Variants in CPO observed in about 807,000 individuals in gnomAD.
CPO encodes the protein metallocarboxypeptidase C.
CPO carries 43 observed loss-of-function variants against 41.2 expected under a neutral mutation model. The observed-to-expected ratio is 1.04, with a 90% CI of 0.82 to 1.35. The LOEUF (loss-of-function observed/expected upper bound fraction) is 1.35. Among genes scored for constraint, CPO ranks in the 40% most tolerant of loss-of-function variants. CPO has a pLI of 0.00. For missense variants in CPO, 408 were observed against 451.7 expected (o/e 0.90, Z 0.88); for synonymous variants, 178 against 162.7 (o/e 1.09, Z -0.72).
chr2:206,966,200 G>GAA (rs34868963), intron 7 of CPO, among the ~76,000 whole-genome samples: 15 of 139,670 alleles, frequency 1.1e-4, no homozygotes, highest in Admixed American at 8.6e-4. Context: ...CTGGCAATGT[G>GAA]AAAAAAAAAA....
chr2:206,962,307 C>G (rs73983121), intron 6 of CPO, 105 bp from the exon 7 acceptor site: 1 of 965,118 alleles, frequency 1.0e-6, no homozygotes, highest in Non-Finnish European at 1.6e-6. Context: ...CAAGGGCAAG[C>G]GCTGATTCTA....
At chr2:206,967,336 T>C (rs1206240660) in intron 7 of CPO, among the ~76,000 whole-genome samples, 2 of 80,236 alleles carry the variant, frequency 2.5e-5, no homozygotes, top group Non-Finnish European at 5.8e-5. Context: ...AAATGCTATA[T>C]ATATATATAT....
At chr2:206,958,748 T>G (rs895393976) in intron 4 of CPO, among the ~76,000 whole-genome samples, 2 of 145,354 alleles carry the variant, frequency 1.4e-5, no homozygotes, top group Admixed American at 6.8e-5. Flanking sequence ...TTTTTTTTTT[T>G]TTTTTTTTTT....
chr2:206,945,954 A>ATT lies in CPO; in HGVS notation c.69-3661_69-3660dup, dbSNP rs202144139. Among the ~76,000 whole-genome samples, 252 of 137,918 alleles carry ATT rather than the reference A, an allele frequency of 1.8e-3. 1 individual carries two copies. The highest frequency in any genetic ancestry group is 5.7e-3 in the African/African-American group (214 of 37,794). The allele number at this position is 137,918 out of a possible 152,430, so 90.5% of individuals were successfully genotyped here. A position where few individuals can be genotyped will look rare whatever the true frequency, so the allele number is the denominator to read the frequency against. On this transcript the variant is annotated intron_variant, in intron 1 of 8. Coordinates refer to ENST00000272852, the MANE Select transcript of CPO (RefSeq NM_173077.3). ...TCCGACTCAAAATAAATAAATAAAT[A>ATT]TTTAAAAAAATTTTTTTAAATTAAA...
chr2:206,945,934 C>T (rs190092703), intron 1 of CPO, among the ~76,000 whole-genome samples: 1 of 150,866 alleles, frequency 6.6e-6, no homozygotes, highest in Admixed American at 6.6e-5. Flanking sequence ...AAAACTCCGA[C>T]TCAAAATAAA....
intron 2 of CPO, among the ~76,000 whole-genome samples, chr2:206,953,439 T>C (rs1245041161): frequency 6.6e-6 from 1 of 152,246 alleles, no homozygotes; most frequent in East Asian, 1.9e-4. Flanking sequence ...AATTAAATCT[T>C]AAAGCTCCAA....
intron 7 of CPO, among the ~76,000 whole-genome samples, chr2:206,965,936 ATTCGG>A (rs1378364001): frequency 6.6e-6 from 1 of 152,142 alleles, no homozygotes; most frequent in African/African-American, 2.4e-5. Context: ...CAGAAGTTGA[ATTCGG>A]TAGTCTGGGG....
rs373509072 is a variant in CPO at position 206,965,145 on chromosome 2, AT to A, written c.777+2533del. On this transcript the variant is annotated intron_variant, in intron 7 of 8. Transcript: ENST00000272852. The stretch of plus-strand genomic sequence containing the variant: ...CTATATACAGAAACCAGTAAATCAA[AT>A]TGAGAAAGATGGCTTCAATTCTGTA... Among the ~76,000 whole-genome samples, 820 of 152,350 alleles carry A rather than the reference AT, an allele frequency of 5.4e-3. 5 individuals carry two copies. The highest frequency in any genetic ancestry group is 9.7e-3 in the Non-Finnish European group (658 of 68,030).
At chr2:206,956,824 T>C (rs759605196) in intron 3 of CPO, among the ~76,000 whole-genome samples, 5 of 152,184 alleles carry the variant, frequency 3.3e-5, no homozygotes, top group Admixed American at 2.0e-4. Context: ...ACTACAACTC[T>C]TAAAAAATTA....
intron 7 of CPO, among the ~76,000 whole-genome samples, chr2:206,964,320 T>C: frequency 6.6e-6 from 1 of 152,248 alleles, no homozygotes; most frequent in East Asian, 1.9e-4. Flanking sequence ...TATGATCATT[T>C]TGTAACATGT....
intron 7 of CPO, among the ~76,000 whole-genome samples, chr2:206,967,331 CTA>C (rs200615925): frequency 4.9e-4 from 58 of 118,390 alleles, no homozygotes; most frequent in Non-Finnish European, 5.8e-4. Flanking sequence ...CTCTGAAATG[CTA>C]TATATATATA....
chr2:206,940,622 CTGTGTGTGTGTA>C (rs749919854), intron 1 of CPO, among the ~76,000 whole-genome samples: 18 of 151,708 alleles, frequency 1.2e-4, no homozygotes, highest in South Asian at 2.1e-4. Flanking sequence ...CTATTGAAAT[CTGTGTGTGTGTA>C]TGTGTGTGTG....
chr2:206,955,542 C>A lies in CPO; in HGVS notation c.245C>A (p.Thr82Asn), dbSNP rs1448989448. 1.9e-6 allele frequency: 3 copies of A among 1,591,064 alleles called. No homozygotes were observed. Among genetic ancestry groups the A allele is most frequent in the East Asian group, 4.5e-5 (2 of 44,766 alleles). The change falls in exon 3 of 9, where the codon ACC becomes AAC. Residue 82 changes from threonine to asparagine, a missense_variant. Coordinates refer to ENST00000272852, the MANE Select transcript of CPO (RefSeq NM_173077.3). Reference sequence around the variant, plus strand: ...CATTTCCTAGGAGTGACCTATGAGACCCACCCCATGTATTATCTGAAGGTG... The same window carrying A: ...CATTTCCTAGGAGTGACCTATGAGAACCACCCCATGTATTATCTGAAGGTG... ...TQHFLGVTYE[T>N]HPMYYLKISQ...
At chr2:206,961,199 A>G (rs1223798441) in intron 6 of CPO, among the ~76,000 whole-genome samples, 1 of 152,208 alleles carries the variant, frequency 6.6e-6, no homozygotes, top group Non-Finnish European at 1.5e-5. Flanking sequence ...ATATATTTCA[A>G]ATCCATCCCT....
chr2:206,946,231 A>G (rs1427356033), intron 1 of CPO, among the ~76,000 whole-genome samples: 1 of 152,170 alleles, frequency 6.6e-6, no homozygotes, highest in Non-Finnish European at 1.5e-5. Context: ...AAAATCTTCA[A>G]TGAAATAGTA....
chr2:206,951,384 T>C (rs901236923), intron 2 of CPO, among the ~76,000 whole-genome samples: 2 of 152,252 alleles, frequency 1.3e-5, no homozygotes, highest in African/African-American at 4.8e-5. Flanking sequence ...TGTGACATTA[T>C]GCAAATCTTT....
At chr2:206,952,602 G>A (rs1194187181) in intron 2 of CPO, among the ~76,000 whole-genome samples, 1 of 152,122 alleles carries the variant, frequency 6.6e-6, no homozygotes, top group Non-Finnish European at 1.5e-5. Flanking sequence ...ACTCTTTGTA[G>A]CACAACATAA....
At chr2:206,946,589 T>C (rs957031386) in intron 1 of CPO, among the ~76,000 whole-genome samples, 8 of 152,100 alleles carry the variant, frequency 5.3e-5, no homozygotes, top group Non-Finnish European at 1.0e-4. Flanking sequence ...TTTTCAACAT[T>C]ATACTGAAAG....
Position 206,939,592 on chromosome 2 carries a change from G to A in CPO, c.-8G>A. On this transcript the variant is annotated 5_prime_UTR_variant, in exon 1 of 9. It adds an upstream start codon to the 5' untranslated region. Coordinates refer to ENST00000272852, the MANE Select transcript of CPO (RefSeq NM_173077.3). ...GGCCCAGAATTTTCTAACTTACTGTGTGGCAGAATGAAGCCTCTGCTTGAA... is the reference window on the plus strand; with the variant it reads ...GGCCCAGAATTTTCTAACTTACTGTATGGCAGAATGAAGCCTCTGCTTGAA... The A allele has an allele frequency of 1.9e-6, 3 of 1,610,274 alleles. No individual in the cohort carries two copies. Among genetic ancestry groups the A allele is most frequent in the Non-Finnish European group, 2.5e-6 (3 of 1,177,198 alleles).
Sources: allele counts gnomAD v4.1 joint callset (sites outside exome capture counted in the v4.1 genomes callset), GRCh38; gene constraint gnomAD v4.1.1; transcripts MANE v1.5; gene names NCBI Gene and HGNC (gene_info 2026-07-23, HGNC 2026-07-21).